The following MEGF11 variants were observed in gnomAD, a reference collection of about 807,000 sequenced individuals.
MEGF11 encodes the protein multiple EGF like domains 11.
A neutral mutation model predicts 146.6 loss-of-function variants in MEGF11; 126 were observed. The observed-to-expected ratio is 0.86, with a 90% CI of 0.74 to 1.00. The LOEUF is 1.00. MEGF11 is among the 50% of genes least tolerant of loss of function. The pLI is 0.00. For synonymous variants in MEGF11, 532 were observed against 583.4 expected (o/e 0.91, Z 1.27); for missense variants, 1,509 against 1,521.2 (o/e 0.99, Z 0.13).
Position 65,896,698 on chromosome 15 carries a change from G to A in MEGF11, c.*1236C>T, listed in dbSNP as rs2141119503. The A allele has an allele frequency of 6.6e-6, 1 of 152,362 alleles. No individual in the cohort carries two copies. The highest frequency in any genetic ancestry group is 2.1e-4 in the South Asian group (1 of 4,828). The allele number at this position is 152,362 out of a possible 1,614,324, so 9.4% of individuals were successfully genotyped here. On this transcript the variant is annotated 3_prime_UTR_variant, in exon 26 of 26. Transcript: ENST00000395614. The stretch of plus-strand genomic sequence containing the variant: ...CATAGTGGAAGGTATAGACACATCT[G>A]AATACTGGGATCTGGAGCATTAGCT...
intron 1 of MEGF11, among the ~76,000 whole-genome samples, chr15:66,159,057 C>T (rs888498143): frequency 1.3e-5 from 2 of 152,202 alleles, no homozygotes; most frequent in African/African-American, 4.8e-5. Context: ...AGACCTTCCA[C>T]GTTCCTGAAC....
intron 9 of MEGF11, 78 bp from the exon 10 acceptor site, chr15:65,957,799 C>G (rs2080713057): frequency 7.0e-7 from 1 of 1,431,772 alleles, no homozygotes; most frequent in Admixed American, 1.8e-5. Context: ...CTACCCCAAG[C>G]CTGGCTTGCC....
chr15:66,170,918 T>C (rs910927349), intron 1 of MEGF11, among the ~76,000 whole-genome samples: 3 of 152,088 alleles, frequency 2.0e-5, no homozygotes, highest in African/African-American at 7.2e-5. Context: ...CACTCGGAGG[T>C]CCAGCTCAGG....
At chr15:65,984,398 C>A (rs536291585) in intron 5 of MEGF11, among the ~76,000 whole-genome samples, 1 of 151,818 alleles carries the variant, frequency 6.6e-6, no homozygotes, top group South Asian at 2.1e-4. Context: ...TGGCAGCATG[C>A]GCCTGTAGTC....
intron 5 of MEGF11, among the ~76,000 whole-genome samples, chr15:66,016,697 G>A (rs1000472265): frequency 6.6e-5 from 10 of 152,140 alleles, no homozygotes; most frequent in Non-Finnish European, 1.3e-4. Flanking sequence ...CCTTATAAGA[G>A]TGTCTAGCAC....
At position 66,068,598 on chromosome 15, in the gene MEGF11, C is replaced by T. The variant is rs534075420; in HGVS notation, c.394+25804G>A. ...TTAGTGGCAGAGCTGGGATTCAACCCCAGGGGTCCCAATTCTAAGCCAGTG... is the reference window on the plus strand; with the variant it reads ...TTAGTGGCAGAGCTGGGATTCAACCTCAGGGGTCCCAATTCTAAGCCAGTG... On this transcript the variant is annotated intron_variant, in intron 5 of 25. Coordinates refer to ENST00000395614, the MANE Select transcript of MEGF11 (RefSeq NM_001385028.1). Among the ~76,000 whole-genome samples the T allele has an allele frequency of 2.0e-5, 3 of 152,284 alleles. No individual in the cohort carries two copies. The South Asian group carries it at 6.2e-4, about 32-fold the overall frequency.
intron 5 of MEGF11, among the ~76,000 whole-genome samples, chr15:66,001,265 T>G (rs1012804333): frequency 2.0e-5 from 3 of 152,170 alleles, no homozygotes; most frequent in African/African-American, 7.2e-5. Flanking sequence ...GTGTCTATTC[T>G]ATGCAGTGCA....
intron 1 of MEGF11, among the ~76,000 whole-genome samples, chr15:66,141,261 T>C (rs1472990233): frequency 7.1e-6 from 1 of 140,484 alleles, no homozygotes. Flanking sequence ...TGTGTGTGTG[T>C]GTGTGTGTGT....
At chr15:65,947,218 A>G (rs1351004673) in intron 10 of MEGF11, among the ~76,000 whole-genome samples, 1 of 152,022 alleles carries the variant, frequency 6.6e-6, no homozygotes, top group East Asian at 1.9e-4. Context: ...TTACTCTTGC[A>G]GATGGAATTA....
At chr15:66,148,632 G>A (rs1184015389) in intron 1 of MEGF11, among the ~76,000 whole-genome samples, 1 of 152,102 alleles carries the variant, frequency 6.6e-6, no homozygotes, top group Non-Finnish European at 1.5e-5. Flanking sequence ...TGGTCACTGT[G>A]TTCTTGCCCA....
chr15:66,078,841 CTG>C (rs1303862804), intron 5 of MEGF11, among the ~76,000 whole-genome samples: 1 of 152,202 alleles, frequency 6.6e-6, no homozygotes, highest in Non-Finnish European at 1.5e-5. Context: ...TCGAGACTCC[CTG>C]TGTGTCATTT....
chr15:65,898,244 C>G, intron 25 of MEGF11, 150 bp from the exon 26 acceptor site: 1 of 1,427,066 alleles, frequency 7.0e-7, no homozygotes, highest in Admixed American at 3.0e-5. Context: ...GAGGCTTGCT[C>G]AGGAGATGGA....
chr15:66,107,153 G>C (rs1439083332), intron 4 of MEGF11, among the ~76,000 whole-genome samples: 1 of 152,066 alleles, frequency 6.6e-6, no homozygotes, highest in East Asian at 1.9e-4. Flanking sequence ...CCACTGTCAG[G>C]TCAGCACAGC....
chr15:65,960,139 A>G (rs1470044461), intron 9 of MEGF11, among the ~76,000 whole-genome samples: 2 of 152,234 alleles, frequency 1.3e-5, no homozygotes, highest in East Asian at 3.8e-4. Flanking sequence ...TCAAATCTAA[A>G]ATATGAAAAC....
chr15:66,010,095 C>T (rs972204895), intron 5 of MEGF11, among the ~76,000 whole-genome samples: 1 of 151,008 alleles, frequency 6.6e-6, no homozygotes, highest in Non-Finnish European at 1.5e-5. Context: ...GTTTTGGCTT[C>T]CCAGGGCCAC....
intron 5 of MEGF11, among the ~76,000 whole-genome samples, chr15:66,056,615 G>C (rs994226193): frequency 6.6e-5 from 10 of 152,174 alleles, no homozygotes; most frequent in African/African-American, 2.4e-4. Context: ...AGAATGCAGG[G>C]CCCTCTCAGT....
At chr15:66,013,344 C>G (rs1460063691) in intron 5 of MEGF11, among the ~76,000 whole-genome samples, 1 of 152,182 alleles carries the variant, frequency 6.6e-6, no homozygotes, top group Non-Finnish European at 1.5e-5. Flanking sequence ...CTGTCTGGGC[C>G]TTGAGAATTC....
intron 1 of MEGF11, among the ~76,000 whole-genome samples, chr15:66,221,544 C>T (rs1348669482): frequency 6.7e-6 from 1 of 149,568 alleles, no homozygotes; most frequent in East Asian, 1.9e-4. Flanking sequence ...ATACCACCCT[C>T]CCCACAGCCC....
intron 5 of MEGF11, among the ~76,000 whole-genome samples, chr15:66,016,168 T>C (rs1268818102): frequency 6.6e-6 from 1 of 152,206 alleles, no homozygotes; most frequent in East Asian, 1.9e-4. Flanking sequence ...ATGGCCAATC[T>C]TGTTTCAACT....
Sources: allele counts gnomAD v4.1 joint callset (sites outside exome capture counted in the v4.1 genomes callset), GRCh38; gene constraint gnomAD v4.1.1; transcripts MANE v1.5; gene names NCBI Gene and HGNC (gene_info 2026-07-23, HGNC 2026-07-21).